The following PTPRK variants were observed in gnomAD, a reference collection of about 807,000 sequenced individuals.
PTPRK encodes protein tyrosine phosphatase receptor type K, also known as receptor-type tyrosine-protein phosphatase kappa.
A neutral mutation model predicts 178.0 loss-of-function variants in PTPRK; 75 were observed. The ratio of observed to expected loss-of-function variants is 0.42; its 90% confidence interval spans 0.35 to 0.51. The LOEUF is 0.51. PTPRK is among the 20% of genes least tolerant of loss of function. PTPRK has a pLI of 0.02. For synonymous variants in PTPRK, 637 were observed against 620.6 expected (o/e 1.03, Z -0.39); for missense variants, 1,441 against 1,797.8 (o/e 0.80, Z 3.59).
intron 3 of PTPRK, among the ~76,000 whole-genome samples, chr6:128,250,918 G>A (rs1194284415): frequency 6.6e-6 from 1 of 152,140 alleles, no homozygotes; most frequent in Non-Finnish European, 1.5e-5. Flanking sequence ...CATAGACACT[G>A]GCAATTTGGA....
At position 128,255,322 on chromosome 6, in the gene PTPRK, T is replaced by G. The variant is rs182245671; in HGVS notation, c.496-12720A>C. On this transcript the variant is annotated intron_variant, in intron 3 of 29. Transcript: ENST00000368226. ...GGTTTTAAGGATAGATGGAGAGAGA[T>G]AAACTCATCTTCATTGAGAACACAA... 2.0e-5 allele frequency among the ~76,000 whole-genome samples: 3 copies of G among 152,216 alleles called. No homozygotes were observed. The East Asian group carries it at 5.8e-4, about 29-fold the overall frequency.
intron 2 of PTPRK, among the ~76,000 whole-genome samples, chr6:128,380,759 C>T (rs1422222144): frequency 6.6e-6 from 1 of 152,122 alleles, no homozygotes; most frequent in Non-Finnish European, 1.5e-5. Context: ...ACAGACGTAA[C>T]CAAGGCACAG....
chr6:128,170,657 A>AT (rs528075511), intron 7 of PTPRK, among the ~76,000 whole-genome samples: 2 of 151,980 alleles, frequency 1.3e-5, no homozygotes, highest in South Asian at 4.2e-4. Context: ...GTTACCTTTC[A>AT]TTTTTTTCCA....
intron 7 of PTPRK, among the ~76,000 whole-genome samples, chr6:128,110,257 A>G (rs1790427067): frequency 6.6e-6 from 1 of 152,050 alleles, no homozygotes; most frequent in South Asian, 2.1e-4. Flanking sequence ...CCCCTGATAA[A>G]ATTAATGATA....
intron 1 of PTPRK, among the ~76,000 whole-genome samples, chr6:128,427,177 G>A (rs1222950929): frequency 1.3e-5 from 2 of 152,186 alleles, no homozygotes; most frequent in Non-Finnish European, 2.9e-5. Flanking sequence ...GAGTGCTTAT[G>A]TGCTTTGTGT....
chr6:128,346,668 C>A (rs981601409), intron 2 of PTPRK, among the ~76,000 whole-genome samples: 1 of 152,052 alleles, frequency 6.6e-6, no homozygotes, highest in African/African-American at 2.4e-5. Flanking sequence ...TAAGACCAAA[C>A]CAGTTTAATT....
At chr6:127,971,462 C>T (rs1773889721) in intron 29 of PTPRK, among the ~76,000 whole-genome samples, 5 of 152,044 alleles carry the variant, frequency 3.3e-5, no homozygotes, top group African/African-American at 1.2e-4. Context: ...ATTCACCTAC[C>T]ACTGTGGCGA....
At chr6:128,166,113 C>G (rs892635414) in intron 7 of PTPRK, among the ~76,000 whole-genome samples, 4 of 151,428 alleles carry the variant, frequency 2.6e-5, no homozygotes, top group African/African-American at 7.3e-5. Flanking sequence ...TTTCTCATAG[C>G]CTTAAGACAA....
Position 128,227,633 on chromosome 6 carries a change from T to A in PTPRK, c.694-8537A>T, listed in dbSNP as rs191901253. Among the ~76,000 whole-genome samples, 14 of 152,286 alleles carry A rather than the reference T, an allele frequency of 9.2e-5. No individual in the cohort carries two copies. In the East Asian group the frequency reaches 2.3e-3, roughly 25 times the overall value. On this transcript the variant is annotated intron_variant, in intron 5 of 29. Coordinates refer to ENST00000368226, the MANE Select transcript of PTPRK (RefSeq NM_002844.4). The stretch of plus-strand genomic sequence containing the variant: ...AAAAGTATCAAGATCAAACCCCACA[T>A]ATAGATTTTGTAAGATTAAAAGAAA...
chr6:128,133,230 T>C (rs1794524736), intron 7 of PTPRK, among the ~76,000 whole-genome samples: 1 of 152,212 alleles, frequency 6.6e-6, no homozygotes, highest in Non-Finnish European at 1.5e-5. Context: ...ATGAATAGAA[T>C]GATGTGACTT....
intron 1 of PTPRK, among the ~76,000 whole-genome samples, chr6:128,506,409 T>C (rs1856346690): frequency 6.6e-6 from 1 of 152,078 alleles, no homozygotes; most frequent in East Asian, 1.9e-4. Flanking sequence ...ACTTCCCACC[T>C]CCCTCAACCT....
intron 3 of PTPRK, among the ~76,000 whole-genome samples, chr6:128,276,493 G>A (rs1820743720): frequency 6.6e-6 from 1 of 152,198 alleles, no homozygotes; most frequent in Non-Finnish European, 1.5e-5. Context: ...TGGGAATAAA[G>A]CCATCAATTA....
chr6:128,285,513 TA>T (rs751427928), intron 3 of PTPRK, among the ~76,000 whole-genome samples: 391 of 124,388 alleles, frequency 3.1e-3, no homozygotes, highest in East Asian at 8.7e-3. Context: ...AGACTCTGTC[TA>T]AAAAAAAAAA....
chr6:128,193,280 G>A (rs796989881), intron 6 of PTPRK, among the ~76,000 whole-genome samples: 2,598 of 57,878 alleles, frequency 0.045, 111 homozygotes, highest in African/African-American at 0.11. Flanking sequence ...TCCAGCTTGT[G>A]AAAAAAAAAA....
chr6:128,117,344 G>A (rs1216322416), intron 7 of PTPRK, among the ~76,000 whole-genome samples: 2 of 149,728 alleles, frequency 1.3e-5, no homozygotes, highest in South Asian at 2.2e-4. Flanking sequence ...TAGAGAGATT[G>A]TAATTTGGAG....
chr6:128,285,150 ATGT>A (rs1220055101), intron 3 of PTPRK, among the ~76,000 whole-genome samples: 3 of 152,224 alleles, frequency 2.0e-5, no homozygotes, highest in East Asian at 1.9e-4. Context: ...CCCTTTGCAA[ATGT>A]TGTAGCAAAT....
chr6:128,101,715 C>T (rs1788817442), intron 7 of PTPRK, among the ~76,000 whole-genome samples: 2 of 152,104 alleles, frequency 1.3e-5, no homozygotes, highest in Admixed American at 1.3e-4. Flanking sequence ...GATCTTCTAA[C>T]ACATAGTGCC....
intron 11 of PTPRK, among the ~76,000 whole-genome samples, chr6:128,073,802 A>T (rs1249831173): frequency 6.6e-6 from 1 of 152,078 alleles, no homozygotes; most frequent in Non-Finnish European, 1.5e-5. Context: ...CATCTATTTG[A>T]TCTAATTGGA....
At chr6:128,032,319 C>T (rs1245044374) in intron 13 of PTPRK, among the ~76,000 whole-genome samples, 1 of 152,060 alleles carries the variant, frequency 6.6e-6, no homozygotes, top group Non-Finnish European at 1.5e-5. Context: ...TTGTGGTTTT[C>T]TTCTTTCTGG....
Sources: allele counts gnomAD v4.1 joint callset (sites outside exome capture counted in the v4.1 genomes callset), GRCh38; gene constraint gnomAD v4.1.1; transcripts MANE v1.5; gene names NCBI Gene and HGNC (gene_info 2026-07-23, HGNC 2026-07-21).